The following ALDH1L1 variants were observed in gnomAD, a reference collection of about 807,000 sequenced individuals.
ALDH1L1 encodes the protein aldehyde dehydrogenase 1 family member L1, also known as cytosolic 10-formyltetrahydrofolate dehydrogenase.
In ALDH1L1, 68 loss-of-function variants were observed where a neutral mutation model predicts 101.1. That is an observed-to-expected ratio of 0.67 (90% CI 0.55 to 0.82). The LOEUF is 0.82. Ranked by LOEUF, ALDH1L1 falls within the 40% of genes least tolerant of loss-of-function variation. ALDH1L1 has a pLI of 0.00. For missense variants in ALDH1L1, 1,087 were observed against 1,172.7 expected (o/e 0.93, Z 1.07); for synonymous variants, 486 against 470.8 (o/e 1.03, Z -0.42).
At chr3:126,150,701 G>A (rs375525024) in intron 7 of ALDH1L1, 170 bp from the exon 8 acceptor site, 91 of 698,394 alleles carry the variant, frequency 1.3e-4, no homozygotes, top group East Asian at 1.3e-3. Context: ...GATTACAGGC[G>A]CGCACCACCA....
In ALDH1L1 at chr3:126,160,983, A is replaced by T. The variant is rs762445970; in HGVS notation, c.-4T>A. ...GTCCAATCACTGCAATCTTCATGGT[A>T]GCAGGAGGGTTGGAAGGACCTGGAG... On this transcript the variant is annotated 5_prime_UTR_variant, in exon 2 of 23. Coordinates refer to ENST00000393434, the MANE Select transcript of ALDH1L1 (RefSeq NM_012190.4). The T allele has an allele frequency of 6.2e-7, 1 of 1,614,070 alleles. No homozygotes were observed. The highest frequency in any genetic ancestry group is 8.5e-7 in the Non-Finnish European group (1 of 1,180,034).
intron 20 of ALDH1L1, 62 bp downstream of exon 20, chr3:126,109,882 C>A: frequency 6.3e-7 from 1 of 1,592,384 alleles, no homozygotes; most frequent in Non-Finnish European, 8.5e-7. Context: ...GGACAGGGAA[C>A]CAGAGGCCAT....
intron 9 of ALDH1L1, among the ~76,000 whole-genome samples, chr3:126,142,393 A>C (rs537521544): frequency 4.6e-5 from 7 of 152,346 alleles, no homozygotes; most frequent in African/African-American, 1.7e-4. Context: ...ATACTACAGC[A>C]AAAGAAAGCT....
intron 19 of ALDH1L1, among the ~76,000 whole-genome samples, chr3:126,111,409 C>T (rs895597622): frequency 1.3e-5 from 2 of 152,236 alleles, no homozygotes; most frequent in Non-Finnish European, 2.9e-5. Flanking sequence ...CACGAAGCCA[C>T]CCGCTGCCCC....
At chr3:126,190,427 A>G (rs375517450) in intron 1 of ALDH1L1, among the ~76,000 whole-genome samples, 15 of 152,328 alleles carry the variant, frequency 9.8e-5, no homozygotes, top group Admixed American at 7.2e-4. Flanking sequence ...TAACAACGGA[A>G]GCTTCAAGGA....
At chr3:126,125,304 G>A (rs2080159229) in intron 15 of ALDH1L1, among the ~76,000 whole-genome samples, 1 of 152,220 alleles carries the variant, frequency 6.6e-6, no homozygotes, top group Admixed American at 6.5e-5. Flanking sequence ...AGAGCATGGG[G>A]CCTGGTTTCT....
chr3:126,161,908 T>C (rs1161964403), intron 1 of ALDH1L1, among the ~76,000 whole-genome samples: 1 of 150,332 alleles, frequency 6.7e-6, no homozygotes, highest in African/African-American at 2.5e-5. Context: ...TGATGGGACT[T>C]CTAACAGCAT....
At chr3:126,174,438 A>T (rs1358667104) in intron 1 of ALDH1L1, among the ~76,000 whole-genome samples, 1 of 152,234 alleles carries the variant, frequency 6.6e-6, no homozygotes, top group East Asian at 1.9e-4. Context: ...ACTTCACCCA[A>T]CAACAACAGA....
intron 20 of ALDH1L1, among the ~76,000 whole-genome samples, chr3:126,109,503 AGG>A (rs997751032): frequency 3.3e-5 from 5 of 152,126 alleles, no homozygotes; most frequent in African/African-American, 4.8e-5. Flanking sequence ...GAGCTGCTGC[AGG>A]GGAGAGATCC....
chr3:126,106,934 A>T (rs546091067), intron 21 of ALDH1L1, among the ~76,000 whole-genome samples: 2 of 152,348 alleles, frequency 1.3e-5, no homozygotes, highest in South Asian at 4.1e-4. Flanking sequence ...CTTTGCTCAC[A>T]GGGGGGACTC....
chr3:126,113,590 TC>T (rs941391729), intron 18 of ALDH1L1, among the ~76,000 whole-genome samples: 1 of 152,108 alleles, frequency 6.6e-6, no homozygotes, highest in Non-Finnish European at 1.5e-5. Flanking sequence ...CCCAGCTAGA[TC>T]CCCGTGCTGA....
chr3:126,190,624 A>G (rs1487472907), intron 1 of ALDH1L1, among the ~76,000 whole-genome samples: 1 of 152,194 alleles, frequency 6.6e-6, no homozygotes, highest in East Asian at 1.9e-4. Context: ...CATCCTAACA[A>G]TTTTAGTACT....
In ALDH1L1 at chr3:126,120,135, C is replaced by T. The variant is rs143241406; in HGVS notation, c.1889-2037G>A. Among the ~76,000 whole-genome samples the T allele has an allele frequency of 8.8e-4, 134 of 152,336 alleles. 4 individuals are homozygous for T. Among genetic ancestry groups the T allele is most frequent in the African/African-American group, 3.0e-3 (123 of 41,572 alleles). On this transcript the variant is annotated intron_variant, in intron 16 of 22. Coordinates refer to ENST00000393434, the MANE Select transcript of ALDH1L1 (RefSeq NM_012190.4). The stretch of plus-strand genomic sequence containing the variant: ...GCAACTGTGCTCCTTGATATTTACC[C>T]GAAGGAGTTGAAAACTTACGTCCAC...
intron 1 of ALDH1L1, among the ~76,000 whole-genome samples, chr3:126,162,454 A>C (rs377525647): frequency 1.3e-5 from 2 of 152,012 alleles, no homozygotes; most frequent in African/African-American, 4.8e-5. Context: ...TTTCTTGGCT[A>C]TTTGGATATC....
Position 126,135,604 on chromosome 3 carries a change from G to C in ALDH1L1, c.1403C>G (p.Ala468Gly). ...CCGTCCATTCTCAAAGGCATCCTTG[G>C]CTGCGGCCACTGCCTTGTCGACGTC... ...VTDVDKAVAAAKDAFENGRWG... is the reference protein window; with the variant it reads ...VTDVDKAVAAGKDAFENGRWG... Residue 468 changes from alanine (A) to glycine (G), a missense_variant, in exon 12 of 23, where the codon GCC (alanine) becomes GGC (glycine). By Grantham distance (60) the Ala-to-Gly change is moderately conservative. Transcript: ENST00000393434. 1 of 1,597,506 alleles carries C rather than the reference G, an allele frequency of 6.3e-7. No homozygotes were observed.
At chr3:126,153,611 T>G (rs754726371) in intron 6 of ALDH1L1, 30 bp from the exon 7 acceptor site, 4 of 1,599,376 alleles carry the variant, frequency 2.5e-6, no homozygotes, top group Non-Finnish European at 3.4e-6. Context: ...CAGAAGATGG[T>G]GGGTGAGAAG....
At chr3:126,133,333 C>G (rs2080353649) in intron 12 of ALDH1L1, among the ~76,000 whole-genome samples, 1 of 152,202 alleles carries the variant, frequency 6.6e-6, no homozygotes, top group Non-Finnish European at 1.5e-5. Flanking sequence ...GTGTTGTCAC[C>G]TGGACATGGA....
intron 9 of ALDH1L1, among the ~76,000 whole-genome samples, chr3:126,141,237 C>T (rs1406866061): frequency 6.6e-6 from 1 of 152,056 alleles, no homozygotes; most frequent in Non-Finnish European, 1.5e-5. Context: ...ACACACCTAA[C>T]ACAGCCCTAA....
rs763238398 is a variant in ALDH1L1 at position 126,160,969 on chromosome 3, G to A, written c.11C>T (p.Ala4Val). MKI[A>V]VIGQSLFGQE... ...GCCAAACAGGCTCTGTCCAATCACT[G>A]CAATCTTCATGGTAGCAGGAGGGTT... Residue 4 changes from alanine to valine, a missense_variant, in exon 2 of 23, where the codon GCA becomes GTA. Coordinates refer to ENST00000393434, the MANE Select transcript of ALDH1L1 (RefSeq NM_012190.4). The A allele has an allele frequency of 6.2e-7, 1 of 1,614,196 alleles. No individual in the cohort carries two copies. The highest frequency in any genetic ancestry group is 1.1e-5 in the South Asian group (1 of 91,078).
Sources: allele counts gnomAD v4.1 joint callset (sites outside exome capture counted in the v4.1 genomes callset), GRCh38; gene constraint gnomAD v4.1.1; transcripts MANE v1.5; gene names NCBI Gene and HGNC (gene_info 2026-07-23, HGNC 2026-07-21).